The following TEX14 variants were observed in gnomAD, a reference collection of about 807,000 sequenced individuals.
TEX14 encodes the protein testis expressed 14, intercellular bridge forming factor.
Under a neutral mutation model 178.6 loss-of-function variants are expected in TEX14, and 168 were observed. The observed-to-expected ratio is 0.94, with a 90% CI of 0.83 to 1.07. The LOEUF is 1.07. Ranked by LOEUF, TEX14 falls within the 50% of genes least tolerant of loss-of-function variation. TEX14 has a pLI of 0.00. For missense variants in TEX14, 1,730 were observed against 1,753.6 expected, an observed-to-expected ratio of 0.99 and a Z score of 0.24; for synonymous variants, 626 against 634.1, an observed-to-expected ratio of 0.99 and a Z score of 0.19.
At position 58,574,211 on chromosome 17, in the gene TEX14, G is replaced by C. The variant is rs2044616704; in HGVS notation, c.3359C>G (p.Pro1120Arg). 3 of 1,613,330 alleles carry C rather than the reference G, an allele frequency of 1.9e-6. No homozygotes were observed. ...DEQEETSKES[P>R]KELKEKDISL... ...CATGTCTTTCTCTTTCAGTTCCTTT[G>C]GTGACTCCTTTGATGTCTCTTCTTG... Residue 1120 changes from proline to arginine, a missense_variant, in exon 22 of 32, where the codon CCA becomes CGA. By Grantham distance (103) the Pro-to-Arg change is moderately radical (BLOSUM62 -2). Coordinates refer to ENST00000349033, the MANE Select transcript of TEX14 (RefSeq NM_031272.5).
In TEX14 at chr17:58,602,470, A is replaced by T; in HGVS notation, c.1457T>A (p.Ile486Asn). The change falls in exon 12 of 32, where the codon ATC becomes AAC. Residue 486 changes from isoleucine to asparagine, a missense_variant. Physicochemically the swap from Ile to Asn is moderately radical, Grantham distance 149. This residue lies in a region of TEX14 where 789 missense variants were observed against 681.2 expected (regional missense o/e 1.16). Coordinates refer to ENST00000349033, the MANE Select transcript of TEX14 (RefSeq NM_031272.5). Reference protein sequence around the residue: ...KPYYDIVKSGIHVKQKDRTMN... With the variant: ...KPYYDIVKSGNHVKQKDRTMN... Reference sequence around the variant, plus strand: ...AGTTCGGTCTTTCTGCTTGACGTGGATGCCTGACTTAACAATATCATAGTA... The same window carrying T: ...AGTTCGGTCTTTCTGCTTGACGTGGTTGCCTGACTTAACAATATCATAGTA... The T allele has an allele frequency of 6.2e-7, 1 of 1,614,024 alleles. No individual in the cohort carries two copies. Among genetic ancestry groups the T allele is most frequent in the Non-Finnish European group, 8.5e-7 (1 of 1,180,004 alleles).
At position 58,569,377 on chromosome 17, in the gene TEX14, C is replaced by T. The variant is rs1041554675; in HGVS notation, c.3818-117G>A. 1.3e-6 allele frequency: 1 copy of T among 751,088 alleles called. No homozygotes were observed. The allele number at this position is 751,088 out of a possible 1,614,324, so 46.5% of individuals were successfully genotyped here. A position where few individuals can be genotyped will look rare whatever the true frequency, so the allele number is the denominator to read the frequency against. On this transcript the variant is annotated intron_variant, in intron 25 of 31. Transcript: ENST00000349033. The surrounding 1 kb of genome is among the most constrained non-coding windows in gnomAD (Gnocchi z 4.1). ...GGATTTCTCTCAATGATGAAACAAACTAAGGAGGAAGGAAGCCTCTTACAT... is the reference window on the plus strand; with the variant it reads ...GGATTTCTCTCAATGATGAAACAAATTAAGGAGGAAGGAAGCCTCTTACAT...
In TEX14 at chr17:58,601,852, G is replaced by A. The variant is rs749351108; in HGVS notation, c.1632C>T (p.His544=). The A allele has an allele frequency of 5.0e-6, 8 of 1,613,230 alleles. No individual in the cohort carries two copies. In the East Asian group the frequency reaches 1.3e-4, roughly 27 times the overall value. ...TTTCCATGTCAGGTGTCTCTCTGGG[G>A]TGTTCTGAAGTCAGTCCTAGATAGA... is the stretch of plus-strand genomic sequence containing the variant. The part of the protein sequence containing the change: ...VNVYLGLTSE[H]PRETPDMEII... Residue 544 remains histidine, a synonymous_variant, in exon 13 of 32, where the codon CAC becomes CAT. Transcript: ENST00000349033.
intron 1 of TEX14, among the ~76,000 whole-genome samples, chr17:58,662,653 C>T (rs1252875996): frequency 6.6e-6 from 1 of 152,060 alleles, no homozygotes; most frequent in East Asian, 1.9e-4. Context: ...AAGACATGCC[C>T]CTCAGTTTGT....
chr17:58,603,901 G>C (rs1267605673), intron 11 of TEX14, among the ~76,000 whole-genome samples: 2 of 75,238 alleles, frequency 2.7e-5, no homozygotes, highest in South Asian at 4.0e-4. Context: ...GTGTGTGTGT[G>C]TGTGTGTGTG....
At chr17:58,605,995 C>A (rs2045597877) in intron 10 of TEX14, among the ~76,000 whole-genome samples, 1 of 152,156 alleles carries the variant, frequency 6.6e-6, no homozygotes, top group South Asian at 2.1e-4. Flanking sequence ...TTTCAAGAGC[C>A]CTCTCAACCC....
rs181745103 is a variant in TEX14 at position 58,632,241 on chromosome 17, A to G, written c.137-1687T>C. 4.6e-5 allele frequency among the ~76,000 whole-genome samples: 7 copies of G among 152,328 alleles called. No homozygotes were observed. In the East Asian group the frequency reaches 1.4e-3, roughly 29 times the overall value. On this transcript the variant is annotated intron_variant, in intron 2 of 31. Coordinates refer to ENST00000349033, the MANE Select transcript of TEX14 (RefSeq NM_031272.5). The stretch of plus-strand genomic sequence containing the variant: ...GAAGGGAAAGCGATAATTCAAAGCC[A>G]AAGATTGTGATATTTGCATAGCGCG...
chr17:58,593,753 T>C, intron 14 of TEX14, 92 bp from the exon 15 acceptor site: 2 of 1,090,026 alleles, frequency 1.8e-6, no homozygotes, highest in East Asian at 2.4e-5. Flanking sequence ...TCTTGCTAAA[T>C]GTATAGAAAT....
intron 2 of TEX14, among the ~76,000 whole-genome samples, chr17:58,635,849 G>A (rs1033288426): frequency 2.6e-5 from 4 of 152,040 alleles, no homozygotes; most frequent in South Asian, 2.1e-4. Flanking sequence ...GGGTTCAAGC[G>A]ATTCTCCTGC....
At chr17:58,630,850 G>A (rs1177927544) in intron 2 of TEX14, among the ~76,000 whole-genome samples, 1 of 152,040 alleles carries the variant, frequency 6.6e-6, no homozygotes, top group Non-Finnish European at 1.5e-5. Flanking sequence ...AAAGGATGAG[G>A]GAGGGACTAA....
intron 26 of TEX14, among the ~76,000 whole-genome samples, chr17:58,566,299 G>A (rs948828214): frequency 1.3e-5 from 2 of 152,172 alleles, no homozygotes; most frequent in African/African-American, 4.8e-5. Context: ...TTTAGCAGAT[G>A]AGGAAATTTA....
intron 15 of TEX14, among the ~76,000 whole-genome samples, chr17:58,590,186 A>G (rs1157950753): frequency 4.7e-5 from 7 of 148,350 alleles, no homozygotes; most frequent in Non-Finnish European, 8.9e-5. Context: ...GCTTGAACCC[A>G]GGAGGCGGAG....
intron 3 of TEX14, among the ~76,000 whole-genome samples, chr17:58,624,346 T>C (rs112092820): frequency 1.1e-4 from 17 of 149,694 alleles, no homozygotes; most frequent in East Asian, 3.9e-4. Context: ...CTTTTCTTTT[T>C]TTTTTTTTTT....
chr17:58,664,586 A>C (rs771613340), intron 1 of TEX14, among the ~76,000 whole-genome samples: 11 of 152,216 alleles, frequency 7.2e-5, no homozygotes, highest in Non-Finnish European at 1.5e-4. Flanking sequence ...GTCTGCCTGC[A>C]ATAAATAAGA....
At chr17:58,592,193 C>A (rs1332169796) in intron 15 of TEX14, among the ~76,000 whole-genome samples, 1 of 151,718 alleles carries the variant, frequency 6.6e-6, no homozygotes, top group Non-Finnish European at 1.5e-5. Flanking sequence ...TTCCCACACA[C>A]CAAATAAATT....
Position 58,622,955 on chromosome 17 carries a change from C to T in TEX14, c.309G>A (p.Trp103Ter). 2 of 1,611,494 alleles carry T rather than the reference C, an allele frequency of 1.2e-6. No individual in the cohort carries two copies. Among genetic ancestry groups the T allele is most frequent in the Non-Finnish European group, 1.7e-6 (2 of 1,177,728 alleles). The change falls in exon 4 of 32, where the codon TGG (tryptophan) becomes TGA (stop). Residue 103 changes from tryptophan (W) to a stop codon, truncating the protein, a stop_gained. Coordinates refer to ENST00000349033, the MANE Select transcript of TEX14 (RefSeq NM_031272.5). LOFTEE classifies it high-confidence loss of function. ...VHAAAFSGNQ[W>*]ILSKLLDAGG... The stretch of plus-strand genomic sequence containing the variant: ...CTGCATCCAGCAGTTTGCTAAGGAT[C>T]CACTGATTGCCCGAAAATGCTGCTG...
At chr17:58,579,360 G>T (rs971636512) in intron 20 of TEX14, among the ~76,000 whole-genome samples, 1 of 152,170 alleles carries the variant, frequency 6.6e-6, no homozygotes, top group African/African-American at 2.4e-5. Flanking sequence ...TTGCTATGTG[G>T]CACACCAAGG....
intron 10 of TEX14, among the ~76,000 whole-genome samples, chr17:58,608,255 A>G (rs2045658471): frequency 6.6e-6 from 1 of 152,146 alleles, no homozygotes; most frequent in African/African-American, 2.4e-5. Context: ...ATCTCTACTA[A>G]AAATACAAAA....
chr17:58,603,491 G>T (rs1370868052), intron 11 of TEX14, among the ~76,000 whole-genome samples: 1 of 149,886 alleles, frequency 6.7e-6, no homozygotes, highest in Admixed American at 6.7e-5. Flanking sequence ...GGAGGTGGAG[G>T]TTGCAGTGAG....
Sources: allele counts gnomAD v4.1 joint callset (sites outside exome capture counted in the v4.1 genomes callset), GRCh38; gene constraint gnomAD v4.1.1; regional missense constraint gnomAD v4.1.1; non-coding constraint Gnocchi (gnomAD v3.1); transcripts MANE v1.5; gene names NCBI Gene and HGNC (gene_info 2026-07-23, HGNC 2026-07-21).